Variants in TMEM72 observed in about 807,000 individuals in gnomAD.
The protein encoded by TMEM72 is transmembrane protein 72.
A neutral mutation model predicts 16.3 loss-of-function variants in TMEM72; 9 were observed. That is an observed-to-expected ratio of 0.55 (90% confidence interval 0.33 to 0.96). TMEM72 has a LOEUF of 0.96. Ranked by LOEUF, TMEM72 falls within the 40% of genes least tolerant of loss-of-function variation. The pLI is 0.03. For synonymous variants in TMEM72, 160 were observed against 146.5 expected, an observed-to-expected ratio of 1.09 and a Z score of -0.66; for missense variants, 324 against 337.8, an observed-to-expected ratio of 0.96 and a Z score of 0.32.
chr10:44,920,156 C>A (rs1405771575), intron 1 of TMEM72: 1 of 152,214 alleles, frequency 6.6e-6, no homozygotes, highest in Non-Finnish European at 1.5e-5. Flanking sequence ...TCGGAGGCTG[C>A]CCTCAGCAAC....
intron 1 of TMEM72, among the ~76,000 whole-genome samples, 168 bp from the exon 2 acceptor site, chr10:44,927,753 C>T (rs1840219850): frequency 6.6e-6 from 1 of 152,232 alleles, no homozygotes; most frequent in African/African-American, 2.4e-5. Context: ...AGGCTTCCTG[C>T]TCTCTTGCAC....
chr10:44,913,767 T>A (rs1298859959), intron 1 of TMEM72, among the ~76,000 whole-genome samples: 2 of 152,210 alleles, frequency 1.3e-5, no homozygotes, highest in African/African-American at 4.8e-5. Flanking sequence ...TACATAGGAT[T>A]TGCAAATTCC....
intron 1 of TMEM72, among the ~76,000 whole-genome samples, chr10:44,918,004 G>A (rs1448845848): frequency 1.3e-5 from 2 of 152,186 alleles, no homozygotes; most frequent in Non-Finnish European, 2.9e-5. Context: ...CCATGTGGCT[G>A]AGGAAGCCTC....
In TMEM72 at chr10:44,911,598, C is replaced by T; in HGVS notation, c.70+16C>T. 6.5e-7 allele frequency: 1 copy of T among 1,549,164 alleles called. No homozygotes were observed. Among genetic ancestry groups the T allele is most frequent in the Non-Finnish European group, 8.7e-7 (1 of 1,147,022 alleles). ...ACTGCTGCAGGTAAGACCCTGCCTCCTGGCTGCTGATCCTTGCACACTGGC... is the reference window on the plus strand; with the variant it reads ...ACTGCTGCAGGTAAGACCCTGCCTCTTGGCTGCTGATCCTTGCACACTGGC... On this transcript the variant is annotated intron_variant, in intron 1 of 4. Coordinates refer to ENST00000389583, the MANE Select transcript of TMEM72 (RefSeq NM_001123376.3).
At chr10:44,930,208 T>A (rs1840273891) in intron 2 of TMEM72, among the ~76,000 whole-genome samples, 1 of 152,222 alleles carries the variant, frequency 6.6e-6, no homozygotes, top group African/African-American at 2.4e-5. Flanking sequence ...CAGCACTCAG[T>A]ACCTGCCCTG....
In TMEM72 at chr10:44,935,245, C is replaced by T; in HGVS notation, c.*111C>T. ...AGCTTTTCAAGGGGTAACCAGACACCCCCACACTGGCTGGGCCCCTGAGGC... is the reference window on the plus strand; with the variant it reads ...AGCTTTTCAAGGGGTAACCAGACACTCCCACACTGGCTGGGCCCCTGAGGC... On this transcript the variant is annotated 3_prime_UTR_variant, in exon 5 of 5. Transcript: ENST00000389583. 1.8e-6 allele frequency: 2 copies of T among 1,108,300 alleles called. No individual in the cohort carries two copies. The highest frequency in any genetic ancestry group is 3.4e-5 in the South Asian group (2 of 58,510). The allele number at this position is 1,108,300 out of a possible 1,614,324, so 68.7% of individuals were successfully genotyped here.
intron 1 of TMEM72, among the ~76,000 whole-genome samples, chr10:44,915,246 G>T (rs2132710138): frequency 6.6e-6 from 1 of 152,294 alleles, no homozygotes; most frequent in South Asian, 2.1e-4. Context: ...TCCAGCCTCT[G>T]CCCAGAGCAG....
At chr10:44,923,375 T>C (rs1840134905) in intron 1 of TMEM72, 1 of 152,020 alleles carries the variant, frequency 6.6e-6, no homozygotes, top group African/African-American at 2.4e-5. Context: ...CTCACTCTCA[T>C]TTCTCCCTCT....
At chr10:44,925,516 C>G (rs1840172459) in intron 1 of TMEM72, among the ~76,000 whole-genome samples, 1 of 152,220 alleles carries the variant, frequency 6.6e-6, no homozygotes, top group South Asian at 2.1e-4. Context: ...GCACTTCTTC[C>G]CCAGCCAGTG....
chr10:44,913,632 C>A (rs1839970974), intron 1 of TMEM72, among the ~76,000 whole-genome samples: 1 of 152,200 alleles, frequency 6.6e-6, no homozygotes, highest in African/African-American at 2.4e-5. Context: ...GCCAGGCTTT[C>A]AAATGATCTT....
In TMEM72 at chr10:44,935,410, A is replaced by G. The variant is rs1258551939; in HGVS notation, c.*276A>G. On this transcript the variant is annotated 3_prime_UTR_variant, in exon 5 of 5. Coordinates refer to ENST00000389583, the MANE Select transcript of TMEM72 (RefSeq NM_001123376.3). ...ACCCTTATGCTTCCCCAACAAGACC[A>G]TCACTGCCACTGCGCACGAGGCTGC... The G allele has an allele frequency of 7.5e-6, 3 of 397,588 alleles. No individual in the cohort carries two copies. The highest frequency in any genetic ancestry group is 1.3e-5 in the Non-Finnish European group (3 of 222,848). The allele number at this position is 397,588 out of a possible 1,614,324, so 24.6% of individuals were successfully genotyped here. A position where few individuals can be genotyped will look rare whatever the true frequency, so the allele number is the denominator to read the frequency against.
chr10:44,929,257 C>A (rs1475292542), intron 2 of TMEM72, among the ~76,000 whole-genome samples: 1 of 152,304 alleles, frequency 6.6e-6, no homozygotes, highest in East Asian at 1.9e-4. Context: ...ATTAGAAGAA[C>A]CTGGGTCTCT....
intron 1 of TMEM72, chr10:44,923,181 T>C (rs1415859333): frequency 6.6e-6 from 1 of 152,434 alleles, no homozygotes; most frequent in Non-Finnish European, 1.5e-5. Flanking sequence ...TGGTTCTGAT[T>C]GTTGTCTGGG....
In TMEM72 at chr10:44,935,274, C is replaced by G; in HGVS notation, c.*140C>G. 1 of 787,072 alleles carries G rather than the reference C, an allele frequency of 1.3e-6. No homozygotes were observed. The highest frequency in any genetic ancestry group is 1.9e-6 in the Non-Finnish European group (1 of 520,344). 48.8% of individuals were successfully genotyped at this position (787,072 alleles called of 1,614,324 possible). On this transcript the variant is annotated 3_prime_UTR_variant, in exon 5 of 5. Coordinates refer to ENST00000389583, the MANE Select transcript of TMEM72 (RefSeq NM_001123376.3). ...ACACTGGCTGGGCCCCTGAGGCCAT[C>G]AGGAGGTGTGACTGGCCAGCATTTC...
chr10:44,931,894 T>C (rs1840302640), intron 2 of TMEM72, 104 bp from the exon 3 acceptor site: 1 of 1,145,870 alleles, frequency 8.7e-7, no homozygotes, highest in Non-Finnish European at 1.3e-6. Flanking sequence ...GGTGAGTCCA[T>C]TGGCTGTAGA....
intron 1 of TMEM72, among the ~76,000 whole-genome samples, chr10:44,924,149 A>G (rs1384959923): frequency 6.6e-6 from 1 of 152,124 alleles, no homozygotes; most frequent in Non-Finnish European, 1.5e-5. Context: ...TAAGAACCCC[A>G]CAGTCGCCTT....
At chr10:44,929,202 G>C (rs1357621411) in intron 2 of TMEM72, among the ~76,000 whole-genome samples, 1 of 152,094 alleles carries the variant, frequency 6.6e-6, no homozygotes, top group East Asian at 1.9e-4. Flanking sequence ...CTCTGTAAGT[G>C]TGTCCTGGCA....
chr10:44,926,983 C>A (rs1292070434), intron 1 of TMEM72, among the ~76,000 whole-genome samples: 1 of 152,136 alleles, frequency 6.6e-6, no homozygotes, highest in South Asian at 2.1e-4. Flanking sequence ...AGCAGCGCCA[C>A]GAGCAGCAGG....
intron 1 of TMEM72, among the ~76,000 whole-genome samples, chr10:44,914,624 C>T (rs953638361): frequency 1.3e-5 from 2 of 152,180 alleles, no homozygotes; most frequent in African/African-American, 4.8e-5. Flanking sequence ...AGGTTCTCCC[C>T]GTGTCCACTA....
Sources: gnomAD v4.1 joint callset for allele counts (sites outside exome capture counted in the v4.1 genomes callset) on GRCh38, gnomAD v4.1.1 for gene constraint, MANE v1.5 for transcripts, NCBI Gene and HGNC (gene_info 2026-07-23, HGNC 2026-07-21) for gene names.